CUX1: variants seen among roughly 807,000 people sequenced by gnomAD.
CUX1 encodes the protein protein CASP.
In CUX1, 31 loss-of-function variants were observed where a neutral mutation model predicts 158.8. That is an observed-to-expected ratio of 0.20 (90% CI 0.15 to 0.26). The LOEUF is 0.26. Ranked by LOEUF, CUX1 falls within the 10% of genes least tolerant of loss-of-function variation. The pLI is 1.00. For synonymous variants in CUX1, 879 were observed against 862.1 expected (o/e 1.02, Z -0.34); for missense variants, 1,589 against 2,014.6 (o/e 0.79, Z 4.04).
chr7:102,091,555 G>T (rs797031428), intron 4 of CUX1, among the ~76,000 whole-genome samples: 40 of 151,838 alleles, frequency 2.6e-4, no homozygotes, highest in African/African-American at 9.7e-4. Flanking sequence ...AGCTGGTCTT[G>T]AACTGCTGGC....
intron 11 of CUX1, among the ~76,000 whole-genome samples, chr7:102,188,216 G>A (rs982793618): frequency 3.8e-5 from 5 of 132,102 alleles, no homozygotes; most frequent in Admixed American, 2.3e-4. Flanking sequence ...AAAAAAAAAA[G>A]AAGAAGAAGA....
At chr7:102,200,233 G>A (rs1795270886) in intron 17 of CUX1, 61 bp downstream of exon 17, 5 of 1,363,510 alleles carry the variant, frequency 3.7e-6, no homozygotes, top group South Asian at 1.3e-5. Context: ...TGTCATGAGT[G>A]CTCTGGTCAG....
chr7:101,970,144 C>A (rs1426666048), intron 2 of CUX1, among the ~76,000 whole-genome samples: 1 of 152,026 alleles, frequency 6.6e-6, no homozygotes, highest in African/African-American at 2.4e-5. Flanking sequence ...AATTGCTGTG[C>A]TTGTTAAAAT....
chr7:101,942,939 C>T (rs1254284546), intron 2 of CUX1, among the ~76,000 whole-genome samples: 1 of 152,192 alleles, frequency 6.6e-6, no homozygotes, highest in African/African-American at 2.4e-5. Flanking sequence ...TCTGCACCTC[C>T]ATTCAGCTTG....
rs141295185 is a variant in CUX1, at chr7:102,277,314, G to A, written c.1564-635G>A. On this transcript the variant is annotated intron_variant, in intron 17 of 22. Transcript: ENST00000292538. The stretch of plus-strand genomic sequence containing the variant: ...CCTGTCTCTAAAATATATAGACAGG[G>A]GCCAGGCGCAGCAGCTCACGCCTAT... Among the ~76,000 whole-genome samples, 65 of 152,106 alleles carry A rather than the reference G, an allele frequency of 4.3e-4. No homozygotes were observed. The East Asian group carries it at 0.012, about 27-fold the overall frequency.
chr7:102,248,217 G>A lies in CUX1; in HGVS notation c.3888-195G>A, dbSNP rs1336116592. 6.6e-6 allele frequency among the ~76,000 whole-genome samples: 1 copy of A among 152,180 alleles called. No individual in the cohort carries two copies. The highest frequency in any genetic ancestry group is 1.9e-4 in the East Asian group (1 of 5,188). On this transcript the variant is annotated intron_variant, in intron 23 of 23. Transcript: ENST00000292535. This position sits in a 1 kb window ranked among gnomAD's most constrained non-coding sequence, Gnocchi z 5.8. The stretch of plus-strand genomic sequence containing the variant: ...GTGTCCCAGCCCTGGGATGGCTCCT[G>A]GCCAGGCCCGGAGGGGTGGGTGGTG...
chr7:101,980,995 G>T (rs1813367664), intron 2 of CUX1, among the ~76,000 whole-genome samples: 1 of 152,154 alleles, frequency 6.6e-6, no homozygotes, highest in African/African-American at 2.4e-5. Flanking sequence ...GCAATATTTA[G>T]TTTGGTGCAA....
At chr7:101,829,526 G>A (rs115463464) in intron 1 of CUX1, among the ~76,000 whole-genome samples, 396 of 152,232 alleles carry the variant, frequency 2.6e-3, no homozygotes, top group African/African-American at 9.1e-3. Context: ...CTCCAGGAGT[G>A]TTTTTCCTCC....
intron 1 of CUX1, among the ~76,000 whole-genome samples, chr7:101,839,794 T>C (rs1414954192): frequency 6.6e-6 from 1 of 152,104 alleles, no homozygotes; most frequent in Non-Finnish European, 1.5e-5. Flanking sequence ...CAGAGTTTGC[T>C]CTTGTTGCCC....
Position 102,196,676 on chromosome 7 carries a change from G to T in CUX1, c.1265G>T (p.Arg422Leu). The change falls in exon 15 of 24, where the codon CGC becomes CTC. Residue 422 changes from arginine to leucine, a missense_variant. Arg to Leu is a moderately radical substitution (Grantham distance 102). Transcript: ENST00000292535. ...GGGAAAGACCAGCCTGAAAGTCGGCGCCCGGGATCTTTGCCGGCCCCCCCT... is the reference window on the plus strand; with the variant it reads ...GGGAAAGACCAGCCTGAAAGTCGGCTCCCGGGATCTTTGCCGGCCCCCCCT... ...RKGKDQPESRRPGSLPAPPPS... is the reference protein window; with the variant it reads ...RKGKDQPESRLPGSLPAPPPS... The T allele has an allele frequency of 1.3e-6, 2 of 1,595,298 alleles. No homozygotes were observed. The highest frequency in any genetic ancestry group is 1.7e-6 in the Non-Finnish European group (2 of 1,169,696).
chr7:102,121,049 C>T (rs6959475), intron 8 of CUX1, among the ~76,000 whole-genome samples: 35,869 of 151,968 alleles, frequency 0.24, 4,559 homozygotes, highest in Non-Finnish European at 0.29. Context: ...AGTGACAAAA[C>T]GAGAGCCCAT....
intron 10 of CUX1, among the ~76,000 whole-genome samples, chr7:102,172,751 T>C (rs1791871641): frequency 6.6e-6 from 1 of 152,172 alleles, no homozygotes; most frequent in Non-Finnish European, 1.5e-5. Flanking sequence ...AGCCTTCTTT[T>C]TAAAATTAAC....
In CUX1 at chr7:102,227,684, C is replaced by T. The variant is rs782795300; in HGVS notation, c.3433+15C>T. 6 of 1,597,940 alleles carry T rather than the reference C, an allele frequency of 3.8e-6. No homozygotes were observed. Among genetic ancestry groups the T allele is most frequent in the East Asian group, 2.2e-5 (1 of 44,652 alleles). On this transcript the variant is annotated intron_variant, in intron 21 of 23. Coordinates refer to ENST00000292535, the MANE Select transcript of CUX1 (RefSeq NM_181552.4). ...CAACAACCTCGGTAGGTTCTCCTCT[C>T]GGCTGCTGAGTCAGGAGGTGGCAGG... is the stretch of plus-strand genomic sequence containing the variant.
chr7:102,065,487 C>T (rs760060477), intron 3 of CUX1, among the ~76,000 whole-genome samples: 8 of 152,230 alleles, frequency 5.3e-5, no homozygotes, highest in Non-Finnish European at 1.0e-4. Context: ...AGCCACTGCG[C>T]CCAGCCTTGA....
intron 4 of CUX1, among the ~76,000 whole-genome samples, chr7:102,093,593 G>A (rs183151663): frequency 2.0e-5 from 3 of 152,282 alleles, no homozygotes; most frequent in Admixed American, 1.3e-4. Flanking sequence ...ATACATTGCA[G>A]AGCGGGCTCC....
rs1482426177 is a variant in CUX1 at position 102,257,118 on chromosome 7, A to G, written c.*8076A>G. The stretch of plus-strand genomic sequence containing the variant: ...AGGTGAGGCGCCCTGCCTTGATCCC[A>G]TGGGCCCAGCAGAAGGAAACTTACC... On this transcript the variant is annotated 3_prime_UTR_variant, in exon 24 of 24. Coordinates refer to ENST00000292535, the MANE Select transcript of CUX1 (RefSeq NM_181552.4). 2.0e-6 allele frequency: 2 copies of G among 985,210 alleles called. No homozygotes were observed. Among genetic ancestry groups the G allele is most frequent in the Non-Finnish European group, 2.4e-6 (2 of 829,930 alleles). 61.0% of individuals were successfully genotyped at this position (985,210 alleles called of 1,614,324 possible). A position where few individuals can be genotyped will look rare whatever the true frequency, so the allele number is the denominator to read the frequency against.
intron 8 of CUX1, among the ~76,000 whole-genome samples, chr7:102,135,586 T>C (rs1346010862): frequency 2.6e-5 from 4 of 151,560 alleles, no homozygotes; most frequent in Non-Finnish European, 5.9e-5. Context: ...TGTGTGTGTG[T>C]GTATGTACAC....
rs113285073 is a variant in CUX1 at position 101,953,545 on chromosome 7, G to T, written c.141+37320G>T. Among the ~76,000 whole-genome samples, 13 of 152,336 alleles carry T rather than the reference G, an allele frequency of 8.5e-5. 3 individuals carry two copies. Among genetic ancestry groups the T allele is most frequent in the African/African-American group, 2.4e-4 (10 of 41,576 alleles). ...AGAGGAGCCACTTCTCTTTTAGTAAGAAATGCGAAGAGTGGCCTCTCCATC... is the reference window on the plus strand; with the variant it reads ...AGAGGAGCCACTTCTCTTTTAGTAATAAATGCGAAGAGTGGCCTCTCCATC... On this transcript the variant is annotated intron_variant, in intron 2 of 23. Coordinates refer to ENST00000292535, the MANE Select transcript of CUX1 (RefSeq NM_181552.4).
Position 102,012,257 on chromosome 7 carries a change from G to A in CUX1, c.142-15841G>A, listed in dbSNP as rs564534120. Among the ~76,000 whole-genome samples the A allele has an allele frequency of 1.1e-4, 16 of 152,040 alleles. 1 individual carries two copies. The highest frequency in any genetic ancestry group is 7.9e-4 in the Admixed American group (12 of 15,248). On this transcript the variant is annotated intron_variant, in intron 2 of 23. Coordinates refer to ENST00000292535, the MANE Select transcript of CUX1 (RefSeq NM_181552.4). ...GGCTGGAGTACAGTGGTGCGATCTC[G>A]GCTCACTGCAACCTCCGCCTCCCGG... is the stretch of plus-strand genomic sequence containing the variant.
Sources: gnomAD v4.1 joint callset for allele counts (sites outside exome capture counted in the v4.1 genomes callset) on GRCh38, gnomAD v4.1.1 for gene constraint, Gnocchi (gnomAD v3.1) non-coding constraint, MANE v1.5 for transcripts, NCBI Gene and HGNC (gene_info 2026-07-23, HGNC 2026-07-21) for gene names.